Variants in PARD3B observed in about 807,000 individuals in gnomAD.
The protein encoded by PARD3B is par-3 family cell polarity regulator beta, also known as partitioning defective 3 homolog B.
PARD3B carries 103 observed loss-of-function variants against 130.2 expected under a neutral mutation model. The ratio of observed to expected loss-of-function variants is 0.79; its 90% CI spans 0.67 to 0.93. The LOEUF (loss-of-function observed/expected upper bound fraction) is 0.93. Among genes scored for constraint, PARD3B ranks in the 40% least tolerant of loss-of-function variants. The probability of loss-of-function intolerance (pLI) is 0.00; values close to 1 mark genes in which losing one functional copy is unlikely to be tolerated. For synonymous variants in PARD3B, 583 were observed against 553.2 expected, an observed-to-expected ratio of 1.05 and a Z score of -0.76; for missense variants, 1,609 against 1,499.2, an observed-to-expected ratio of 1.07 and a Z score of -1.21.
In PARD3B at chr2:204,868,874, AG is replaced by A. The variant is rs374189786; in HGVS notation, c.223-96276del. On this transcript the variant is annotated intron_variant, in intron 2 of 22. Coordinates refer to ENST00000406610, the MANE Select transcript of PARD3B (RefSeq NM_001302769.2). ...GTGGAGATCCCATGCAATGGCAATT[AG>A]GTAGAAAGAGCATGCAACTTTGGTG... Among the ~76,000 whole-genome samples, 219 of 152,276 alleles carry A rather than the reference AG, an allele frequency of 1.4e-3. 1 individual carries two copies. The highest frequency in any genetic ancestry group is 5.9e-3 in the Admixed American group (90 of 15,280).
At chr2:204,646,757 G>T (rs1233343030) in intron 1 of PARD3B, among the ~76,000 whole-genome samples, 1 of 151,954 alleles carries the variant, frequency 6.6e-6, no homozygotes, top group East Asian at 1.9e-4. Context: ...ACATCCTAGA[G>T]TATGTTTAGT....
At position 205,563,810 on chromosome 2, in the gene PARD3B, G is replaced by T. The variant is rs1203083711; in HGVS notation, c.3260+10407G>T. 6.6e-6 allele frequency among the ~76,000 whole-genome samples: 1 copy of T among 152,136 alleles called. No individual in the cohort carries two copies. The highest frequency in any genetic ancestry group is 6.6e-5 in the Admixed American group (1 of 15,266). ...TTTTCCTTACAATTACCCTGTTCCT[G>T]TTGGGAACATACACAGAGATGTGAG... is the stretch of plus-strand genomic sequence containing the variant. On this transcript the variant is annotated intron_variant, in intron 22 of 22. Coordinates refer to ENST00000406610, the MANE Select transcript of PARD3B (RefSeq NM_001302769.2). The surrounding 1 kb of genome is among the most constrained non-coding windows in gnomAD (Gnocchi z 4.2).
rs911220147 is a variant in PARD3B at position 205,128,898 on chromosome 2, C to T, written c.1434+3161C>T. On this transcript the variant is annotated intron_variant, in intron 10 of 22. Transcript: ENST00000406610. This position sits in a 1 kb window ranked among gnomAD's most constrained non-coding sequence, Gnocchi z 4.5. Reference sequence around the variant, plus strand: ...TAACCAGTCAAATTGATAAGGGAGGCAGCTGTATGTGTTATTTCACTCTCA... The same window carrying T: ...TAACCAGTCAAATTGATAAGGGAGGTAGCTGTATGTGTTATTTCACTCTCA... 2.0e-5 allele frequency among the ~76,000 whole-genome samples: 3 copies of T among 152,010 alleles called. No homozygotes were observed. Among genetic ancestry groups the T allele is most frequent in the Non-Finnish European group, 4.4e-5 (3 of 68,012 alleles).
chr2:204,592,380 T>C (rs1291408125), intron 1 of PARD3B, among the ~76,000 whole-genome samples: 1 of 152,218 alleles, frequency 6.6e-6, no homozygotes, highest in Non-Finnish European at 1.5e-5. Context: ...AGAGGTACTT[T>C]TTATGTATTG....
intron 1 of PARD3B, among the ~76,000 whole-genome samples, chr2:204,586,731 A>G (rs887254975): frequency 4.7e-4 from 72 of 152,156 alleles, no homozygotes; most frequent in African/African-American, 1.7e-3. Flanking sequence ...TGGTACACCT[A>G]TTATCCTTTA....
Position 205,290,352 on chromosome 2 carries a change from C to T in PARD3B, c.2186-10178C>T, listed in dbSNP as rs80181544. Reference sequence around the variant, plus strand: ...GGTGTTTAATCTTTTATTTCTGAGGCAGCAAAGAAAATGGGAGGAATTTCA... The same window carrying T: ...GGTGTTTAATCTTTTATTTCTGAGGTAGCAAAGAAAATGGGAGGAATTTCA... On this transcript the variant is annotated intron_variant, in intron 16 of 22. Coordinates refer to ENST00000406610, the MANE Select transcript of PARD3B (RefSeq NM_001302769.2). Among the ~76,000 whole-genome samples the T allele has an allele frequency of 2.1e-3, 323 of 152,224 alleles. 12 individuals are homozygous for T. The East Asian group carries it at 0.053, about 25-fold the overall frequency.
chr2:205,498,370 T>A (rs1005191208), intron 20 of PARD3B, among the ~76,000 whole-genome samples: 8 of 150,538 alleles, frequency 5.3e-5, no homozygotes, highest in African/African-American at 2.0e-4. Flanking sequence ...GGTGTGGTGG[T>A]ATGCACCTGT....
chr2:204,564,882 T>C, intron 1 of PARD3B, among the ~76,000 whole-genome samples: 1 of 152,212 alleles, frequency 6.6e-6, no homozygotes, highest in East Asian at 1.9e-4. Context: ...ATTCAGTAAG[T>C]TATAGTTTCT....
intron 22 of PARD3B, among the ~76,000 whole-genome samples, chr2:205,554,496 T>G (rs1048048809): frequency 2.6e-5 from 4 of 152,214 alleles, no homozygotes; most frequent in Non-Finnish European, 5.9e-5. Context: ...AATACAATAT[T>G]TTAAAACTTT....
chr2:205,121,720 C>A lies in PARD3B; in HGVS notation c.936C>A (p.Gly312=). ...TTAACATTTTTGGTAATAATGATGG[C>A]GTTTTGAAAACCAAAGTGCCGCCTC... is the stretch of plus-strand genomic sequence containing the variant. The part of the protein sequence containing the change: ...GSLNIFGNND[G]VLKTKVPPPV... Residue 312 remains glycine (G), a synonymous_variant, in exon 8 of 23, where the codon GGC becomes GGA. Coordinates refer to ENST00000406610, the MANE Select transcript of PARD3B (RefSeq NM_001302769.2). The surrounding 1 kb of genome is among the most constrained non-coding windows in gnomAD (Gnocchi z 5.0). 2 of 1,614,054 alleles carry A rather than the reference C, an allele frequency of 1.2e-6. No homozygotes were observed. The highest frequency in any genetic ancestry group is 1.7e-6 in the Non-Finnish European group (2 of 1,180,018).
rs115631235 is a variant in PARD3B at position 205,273,246 on chromosome 2, A to G, written c.2186-27284A>G. ...TTGCAGCTAACTATTCATATATACA[A>G]TCAACTCTCAGTTACCAAAGGGTGA... On this transcript the variant is annotated intron_variant, in intron 16 of 22. Coordinates refer to ENST00000406610, the MANE Select transcript of PARD3B (RefSeq NM_001302769.2). Among the ~76,000 whole-genome samples the G allele has an allele frequency of 6.7e-3, 1,021 of 152,322 alleles. 13 individuals carry two copies. Among genetic ancestry groups the G allele is most frequent in the African/African-American group, 0.023 (956 of 41,584 alleles).
intron 22 of PARD3B, among the ~76,000 whole-genome samples, chr2:205,583,668 CCCAAATGCAA>C (rs1300562457): frequency 6.6e-5 from 10 of 152,148 alleles, no homozygotes; most frequent in Non-Finnish European, 1.2e-4. Context: ...ATCCAATAGT[CCCAAATGCAA>C]CCAAAATGAA....
At chr2:205,039,436 G>A (rs1264385661) in intron 3 of PARD3B, among the ~76,000 whole-genome samples, 1 of 152,016 alleles carries the variant, frequency 6.6e-6, no homozygotes, top group Non-Finnish European at 1.5e-5. Context: ...TTCTATCAAA[G>A]TATTTCTTTC....
At chr2:204,641,245 T>A (rs2035066195) in intron 1 of PARD3B, among the ~76,000 whole-genome samples, 1 of 150,252 alleles carries the variant, frequency 6.7e-6, no homozygotes. Context: ...ATATATATAT[T>A]AAACATAAAT....
At chr2:205,003,862 C>T (rs987892311) in intron 3 of PARD3B, among the ~76,000 whole-genome samples, 14 of 152,094 alleles carry the variant, frequency 9.2e-5, no homozygotes, top group African/African-American at 3.1e-4. Context: ...TCAGATCTTC[C>T]GCATGCCTCC....
intron 20 of PARD3B, among the ~76,000 whole-genome samples, chr2:205,479,788 A>G (rs1010687815): frequency 2.6e-5 from 4 of 152,156 alleles, no homozygotes; most frequent in Admixed American, 6.5e-5. Flanking sequence ...TCAAATCCAA[A>G]GATCTGTCCA....
chr2:205,252,440 C>A (rs2039889021), intron 16 of PARD3B, among the ~76,000 whole-genome samples: 1 of 152,118 alleles, frequency 6.6e-6, no homozygotes, highest in Non-Finnish European at 1.5e-5. Flanking sequence ...GCAAAAACCT[C>A]ACAGAGGAAA....
chr2:204,665,907 C>G (rs192741506), intron 1 of PARD3B, among the ~76,000 whole-genome samples: 70 of 152,302 alleles, frequency 4.6e-4, no homozygotes, highest in Non-Finnish European at 8.4e-4. Flanking sequence ...ACATTGTCCT[C>G]TCACAGAGTA....
intron 21 of PARD3B, among the ~76,000 whole-genome samples, chr2:205,527,625 A>G (rs1024172609): frequency 1.3e-5 from 2 of 152,126 alleles, no homozygotes; most frequent in Non-Finnish European, 2.9e-5. Context: ...TACTGTTTCT[A>G]TGTCAGTAGT....
Sources: gnomAD v4.1 joint callset for allele counts (sites outside exome capture counted in the v4.1 genomes callset) on GRCh38, gnomAD v4.1.1 for gene constraint, Gnocchi (gnomAD v3.1) non-coding constraint, MANE v1.5 for transcripts, NCBI Gene and HGNC (gene_info 2026-07-23, HGNC 2026-07-21) for gene names.